SYNPO2L: variants seen among roughly 807,000 people sequenced by gnomAD.
SYNPO2L encodes synaptopodin 2 like, also known as synaptopodin 2-like protein.
In SYNPO2L, 34 loss-of-function variants were observed where a neutral mutation model predicts 47.5. The ratio of observed to expected loss-of-function variants is 0.72; its 90% confidence interval spans 0.54 to 0.95. The LOEUF (loss-of-function observed/expected upper bound fraction) is 0.95. Among genes scored for constraint, SYNPO2L ranks in the 40% least tolerant of loss-of-function variants. SYNPO2L has a pLI of 0.00. For synonymous variants in SYNPO2L, 536 were observed against 524.9 expected, an observed-to-expected ratio of 1.02 and a Z score of -0.29; for missense variants, 1,246 against 1,282.0, an observed-to-expected ratio of 0.97 and a Z score of 0.43.
At chr10:73,650,781 A>G (rs558479889) in intron 3 of SYNPO2L, 6 of 1,335,784 alleles carry the variant, frequency 4.5e-6, no homozygotes, top group African/African-American at 1.5e-5. Context: ...TCCTGAGAAA[A>G]GGAGGAAGAG....
chr10:73,652,066 C>CAAAAAA (rs1178972762), intron 3 of SYNPO2L, among the ~76,000 whole-genome samples: 1 of 47,782 alleles, frequency 2.1e-5, no homozygotes, highest in Admixed American at 2.1e-4. Context: ...GACTCTATCT[C>CAAAAAA]AAAAAAAAAA....
At chr10:73,653,813 T>C (rs2081859324) in intron 2 of SYNPO2L, among the ~76,000 whole-genome samples, 160 bp from the exon 3 acceptor site, 1 of 151,846 alleles carries the variant, frequency 6.6e-6, no homozygotes, top group East Asian at 1.9e-4. Flanking sequence ...AGTGGAGATA[T>C]GAAGACAAAC....
In SYNPO2L at chr10:73,654,300, A is replaced by G; in HGVS notation, c.106-20T>C. On this transcript the variant is annotated intron_variant, in intron 1 of 3. Coordinates refer to ENST00000394810, the MANE Select transcript of SYNPO2L (RefSeq NM_001114133.3). The stretch of plus-strand genomic sequence containing the variant: ...TCGAATCTGAGATGTTGAAGGAGAC[A>G]CTGTAGGTAAGAGGGGGCTCCAAAG... 12 of 1,551,120 alleles carry G rather than the reference A, an allele frequency of 7.7e-6. No individual in the cohort carries two copies. The highest frequency in any genetic ancestry group is 9.6e-6 in the Non-Finnish European group (11 of 1,146,744).
chr10:73,647,786 A>G lies in SYNPO2L; in HGVS notation c.1866T>C (p.Gly622=), dbSNP rs1589451784. ...QRISVPAART[G]ILQEARRRGT... ...CCCGGCGCCGGGCCTCCTGCAGGAT[A>G]CCCGTGCGGGCAGCTGGCACAGAGA... The change falls in exon 4 of 4, where the codon GGT becomes GGC. Residue 622 remains glycine (G), a synonymous_variant. Coordinates refer to ENST00000394810, the MANE Select transcript of SYNPO2L (RefSeq NM_001114133.3). 2 of 1,611,456 alleles carry G rather than the reference A, an allele frequency of 1.2e-6. No individual in the cohort carries two copies. Among genetic ancestry groups the G allele is most frequent in the Non-Finnish European group, 1.7e-6 (2 of 1,178,364 alleles).
At position 73,648,871 on chromosome 10, in the gene SYNPO2L, G is replaced by T. The variant is rs750431785; in HGVS notation, c.781C>A (p.Arg261Ser). 10 of 1,516,082 alleles carry T rather than the reference G, an allele frequency of 6.6e-6. No individual in the cohort carries two copies. The highest frequency in any genetic ancestry group is 7.9e-6 in the Non-Finnish European group (9 of 1,134,220). The allele number at this position is 1,516,082 out of a possible 1,614,324, so 93.9% of individuals were successfully genotyped here. A position where few individuals can be genotyped will look rare whatever the true frequency, so the allele number is the denominator to read the frequency against. Residue 261 changes from arginine to serine, a missense_variant, in exon 4 of 4, where the codon CGT (arginine) becomes AGT (serine). Coordinates refer to ENST00000394810, the MANE Select transcript of SYNPO2L (RefSeq NM_001114133.3). ...CTCTTCTCTTGGAGGCTCTCTGCAC[G>T]TTGCAGTTCTGGGGAGGCCAAGAGG... Reference protein sequence around the residue: ...TQKAKQAKLQRAESLQEKSIK... With the variant: ...TQKAKQAKLQSAESLQEKSIK...
intron 3 of SYNPO2L, among the ~76,000 whole-genome samples, chr10:73,652,467 G>A (rs1190069391): frequency 1.3e-5 from 2 of 151,948 alleles, no homozygotes; most frequent in Non-Finnish European, 2.9e-5. Flanking sequence ...TCAGGAGTTC[G>A]AGACCAGCCT....
intron 3 of SYNPO2L, 100 bp from the exon 4 acceptor site, chr10:73,648,979 G>T (rs2081814250): frequency 1.4e-6 from 2 of 1,381,782 alleles, no homozygotes; most frequent in Non-Finnish European, 1.9e-6. Context: ...GCTCCCTCTT[G>T]CACTGACCCG....
chr10:73,651,852 G>GCAT (rs2081843396), intron 3 of SYNPO2L, among the ~76,000 whole-genome samples: 2 of 151,492 alleles, frequency 1.3e-5, no homozygotes, highest in Non-Finnish European at 2.9e-5. Context: ...GAGGCGGGTG[G>GCAT]ATCACAAGGT....
In SYNPO2L at chr10:73,645,982, G is replaced by A. The variant is rs370099084; in HGVS notation, c.*736C>T. 18 of 859,336 alleles carry A rather than the reference G, an allele frequency of 2.1e-5. No homozygotes were observed. The highest frequency in any genetic ancestry group is 1.6e-4 in the African/African-American group (9 of 55,018). The allele number at this position is 859,336 out of a possible 1,614,324, so 53.2% of individuals were successfully genotyped here. A position where few individuals can be genotyped will look rare whatever the true frequency, so the allele number is the denominator to read the frequency against. On this transcript the variant is annotated 3_prime_UTR_variant, in exon 4 of 4. Coordinates refer to ENST00000394810, the MANE Select transcript of SYNPO2L (RefSeq NM_001114133.3). ...TGGGACTACAGGCGCTCGCCACCAC[G>A]CCCAGCTAATTTTTTGTATTTTTAG...
rs1198410424 is a variant in SYNPO2L at position 73,645,528 on chromosome 10, AT to A, written c.*1189del. 1 of 993,716 alleles carries A rather than the reference AT, an allele frequency of 1.0e-6. No homozygotes were observed. The allele number at this position is 993,716 out of a possible 1,614,324, so 61.6% of individuals were successfully genotyped here. ...GGAGGGAATTTTCTTTCTTTTTTTCATTTCCTGGGTACTGGGTTGCTCAGCA... is the reference window on the plus strand; with the variant it reads ...GGAGGGAATTTTCTTTCTTTTTTTCATTCCTGGGTACTGGGTTGCTCAGCA... On this transcript the variant is annotated 3_prime_UTR_variant, in exon 4 of 4. Transcript: ENST00000394810.
chr10:73,655,692 C>CCCCCCCCCCCCCCCT, intron 1 of SYNPO2L, 126 bp downstream of exon 1: 1 of 231,514 alleles, frequency 4.3e-6, no homozygotes, highest in Non-Finnish European at 8.9e-6. Context: ...ACTTCCCTGC[C>CCCCCCCCCCCCCCCT]CACCACCCAC....
At chr10:73,652,094 GA>G (rs199814154) in intron 3 of SYNPO2L, among the ~76,000 whole-genome samples, 16,942 of 118,362 alleles carry the variant, frequency 0.14, 2,341 homozygotes, top group African/African-American at 0.35. Context: ...AAAAAAACCA[GA>G]AAAAAAAAAG....
rs1589448928 is a variant in SYNPO2L at position 73,644,888 on chromosome 10, T to C, written c.*1830A>G. On this transcript the variant is annotated 3_prime_UTR_variant, in exon 4 of 4. Coordinates refer to ENST00000394810, the MANE Select transcript of SYNPO2L (RefSeq NM_001114133.3). The stretch of plus-strand genomic sequence containing the variant: ...TAGAAGATAACAGCAACAGAAGGTA[T>C]GGGGCATAAATTTATTCTTGTGCAC... 1.6e-6 allele frequency: 1 copy of C among 613,886 alleles called. No homozygotes were observed. The highest frequency in any genetic ancestry group is 2.4e-6 in the Non-Finnish European group (1 of 414,072). The allele number at this position is 613,886 out of a possible 1,614,324, so 38.0% of individuals were successfully genotyped here.
intron 3 of SYNPO2L, chr10:73,650,676 C>T: frequency 2.0e-6 from 2 of 985,280 alleles, no homozygotes; most frequent in Non-Finnish European, 2.4e-6. Context: ...TGTACTCACA[C>T]ACGCTCTGTT....
At position 73,647,736 on chromosome 10, in the gene SYNPO2L, G is replaced by T. The variant is rs776937165; in HGVS notation, c.1916C>A (p.Pro639Gln). 1 of 1,614,036 alleles carries T rather than the reference G, an allele frequency of 6.2e-7. No individual in the cohort carries two copies. Among genetic ancestry groups the T allele is most frequent in the South Asian group, 1.1e-5 (1 of 91,076 alleles). ...CGAGTTCTTCGTCTCCTCCTTTCCC[G>T]GCCGGAACATCTGCTTCCGGGTCCC... is the stretch of plus-strand genomic sequence containing the variant. ...RRGTRKQMFR[P>Q]GKEETKNSPN... Residue 639 changes from proline (P) to glutamine (Q), a missense_variant, in exon 4 of 4, where the codon CCG becomes CAG. Around this residue, in one of 3 missense-constraint regions of SYNPO2L, gnomAD observed 1,037 missense variants for 1,021.5 expected, o/e 1.02. Coordinates refer to ENST00000394810, the MANE Select transcript of SYNPO2L (RefSeq NM_001114133.3).
intron 3 of SYNPO2L, chr10:73,649,827 C>T: frequency 1.0e-6 from 1 of 985,416 alleles, no homozygotes; most frequent in Non-Finnish European, 1.2e-6. Context: ...GGGTAGTCTC[C>T]ATCCAAGATG....
chr10:73,652,124 C>A (rs1429935494), intron 3 of SYNPO2L, among the ~76,000 whole-genome samples: 1 of 148,836 alleles, frequency 6.7e-6, no homozygotes, highest in African/African-American at 2.5e-5. Context: ...TAGCTTTGAC[C>A]CACTTTTATT....
chr10:73,651,368 A>C (rs79386715), intron 3 of SYNPO2L, among the ~76,000 whole-genome samples: 215 of 152,178 alleles, frequency 1.4e-3, no homozygotes, highest in African/African-American at 4.9e-3. Flanking sequence ...GATATTGGAC[A>C]CTCAGGGATG....
Position 73,647,810 on chromosome 10 carries a change from G to T in SYNPO2L, c.1842C>A (p.Ile614=), listed in dbSNP as rs1427849625. The T allele has an allele frequency of 3.7e-6, 6 of 1,601,130 alleles. No homozygotes were observed. The highest frequency in any genetic ancestry group is 5.1e-6 in the Non-Finnish European group (6 of 1,172,578). The change falls in exon 4 of 4, where the codon ATC becomes ATA. Residue 614 remains isoleucine, a synonymous_variant. Coordinates refer to ENST00000394810, the MANE Select transcript of SYNPO2L (RefSeq NM_001114133.3). The part of the protein sequence containing the change: ...PEPPSAREQR[I]SVPAARTGIL... ...TACCCGTGCGGGCAGCTGGCACAGA[G>T]ATGCGCTGCTCGCGAGCGCTGGGGG... is the stretch of plus-strand genomic sequence containing the variant.
Sources: allele counts gnomAD v4.1 joint callset (sites outside exome capture counted in the v4.1 genomes callset), GRCh38; gene constraint gnomAD v4.1.1; regional missense constraint gnomAD v4.1.1; transcripts MANE v1.5; gene names NCBI Gene and HGNC (gene_info 2026-07-23, HGNC 2026-07-21).